The following MYL3 variants were observed in gnomAD, a reference collection of about 807,000 sequenced individuals.
The protein encoded by MYL3 is CMLC1.
In MYL3, 11 loss-of-function variants were observed where a neutral mutation model predicts 21.3. The observed-to-expected ratio is 0.52, with a 90% CI of 0.32 to 0.85. MYL3 has a LOEUF of 0.85. MYL3 is among the 40% of genes least tolerant of loss of function. The pLI, the probability that MYL3 is intolerant of heterozygous loss-of-function variation, is 0.03. For synonymous variants in MYL3, 88 were observed against 91.6 expected (o/e 0.96, Z 0.22); for missense variants, 206 against 253.3 (o/e 0.81, Z 1.27).
intron 1 of MYL3, among the ~76,000 whole-genome samples, chr3:46,862,180 T>C (rs2106912665): frequency 1.3e-5 from 2 of 152,296 alleles, no homozygotes; most frequent in African/African-American, 4.8e-5. Flanking sequence ...AATGCCACTA[T>C]GGGCCGTGGC....
intron 1 of MYL3, among the ~76,000 whole-genome samples, chr3:46,876,866 C>T (rs1342463436): frequency 6.6e-6 from 1 of 152,172 alleles, no homozygotes; most frequent in African/African-American, 2.4e-5. Flanking sequence ...AGCCTCCAGC[C>T]GGGTCACAGG....
At chr3:46,868,185 A>G (rs1219688124), upstream of MYL3, among the ~76,000 whole-genome samples, 1 of 152,152 alleles carries the variant, frequency 6.6e-6, no homozygotes, top group Non-Finnish European at 1.5e-5. Context: ...TGAGAGATGG[A>G]AAAGAGTACC....
At chr3:46,863,177 A>G (rs1392353789) in intron 1 of MYL3, 85 bp downstream of exon 1, 1 of 1,595,604 alleles carries the variant, frequency 6.3e-7, no homozygotes, top group Non-Finnish European at 8.6e-7. Context: ...TCACCTCCAG[A>G]GCCTGACCTG....
At chr3:46,867,541 A>C (rs1392543726), upstream of MYL3, among the ~76,000 whole-genome samples, 1 of 152,220 alleles carries the variant, frequency 6.6e-6, no homozygotes, top group Admixed American at 6.5e-5. Context: ...GGGCAGAAGG[A>C]GGTAAGGGCC....
Position 46,861,635 on chromosome 3 carries a change from G to C in MYL3, c.130-648C>G, listed in dbSNP as rs996532409. Among the ~76,000 whole-genome samples, 1 of 152,158 alleles carries C rather than the reference G, an allele frequency of 6.6e-6. No individual in the cohort carries two copies. The highest frequency in any genetic ancestry group is 1.5e-5 in the Non-Finnish European group (1 of 68,030). The stretch of plus-strand genomic sequence containing the variant: ...TCCCTGGGAAGCTCCCACACCCCAG[G>C]ACAGCACAGGGCCAGGGCAGTGCTG... On this transcript the variant is annotated intron_variant, in intron 1 of 6. Transcript: ENST00000292327. This position sits in a 1 kb window ranked among gnomAD's most constrained non-coding sequence, Gnocchi z 4.2.
rs895840157 is a variant in MYL3, at chr3:46,861,147, G to A, written c.130-160C>T. On this transcript the variant is annotated intron_variant, in intron 1 of 6. Transcript: ENST00000292327. This position sits in a 1 kb window ranked among gnomAD's most constrained non-coding sequence, Gnocchi z 4.2. ...AGGACCTCCTGCAGTCCATCTTGAC[G>A]CCCTCCTGCCTCCTTGCCCCCCTCC... 1.2e-4 allele frequency among the ~76,000 whole-genome samples: 18 copies of A among 152,058 alleles called. No individual in the cohort carries two copies. The highest frequency in any genetic ancestry group is 5.2e-4 in the Admixed American group (8 of 15,264).
At chr3:46,881,482 G>C (rs1010851737) in intron 1 of MYL3, among the ~76,000 whole-genome samples, 1 of 152,152 alleles carries the variant, frequency 6.6e-6, no homozygotes, top group African/African-American at 2.4e-5. Flanking sequence ...GAGAGTGGGT[G>C]TCTGGATTGA....
At chr3:46,872,520 A>T (rs969545601) in intron 1 of MYL3, among the ~76,000 whole-genome samples, 8 of 122,942 alleles carry the variant, frequency 6.5e-5, no homozygotes, top group Non-Finnish European at 1.1e-4. Context: ...TACACCTCCC[A>T]GGGGCAGGAA....
intron 1 of MYL3, among the ~76,000 whole-genome samples, chr3:46,877,307 GC>G (rs1288070824): frequency 6.6e-6 from 1 of 152,128 alleles, no homozygotes; most frequent in Non-Finnish European, 1.5e-5. Flanking sequence ...ACCACCTCCA[GC>G]CCCCCTCTGA....
intron 1 of MYL3, among the ~76,000 whole-genome samples, chr3:46,881,369 T>G (rs889424063): frequency 6.6e-6 from 1 of 152,006 alleles, no homozygotes. Flanking sequence ...CCCCGCGGAC[T>G]CCTCCTTGCC....
chr3:46,872,780 G>T (rs962627602), intron 1 of MYL3, among the ~76,000 whole-genome samples: 2 of 152,256 alleles, frequency 1.3e-5, no homozygotes, highest in African/African-American at 4.8e-5. Context: ...GCTGCTCCCT[G>T]GCTTTCTGAG....
At chr3:46,875,735 C>T (rs1330009520) in intron 1 of MYL3, among the ~76,000 whole-genome samples, 2 of 152,246 alleles carry the variant, frequency 1.3e-5, no homozygotes, top group African/African-American at 4.8e-5. Flanking sequence ...ACTCATGCCC[C>T]ACCTGCTGCC....
In MYL3 at chr3:46,857,974, C is replaced by T. The variant is rs1304875661; in HGVS notation, c.*141G>A. On this transcript the variant is annotated 3_prime_UTR_variant, in exon 7 of 7. Coordinates refer to ENST00000292327, the MANE Select transcript of MYL3 (RefSeq NM_000258.3). The surrounding 1 kb of genome is among the most constrained non-coding windows in gnomAD (Gnocchi z 5.0). ...TGAGAGGGGCCAGAGACGGCAACCA[C>T]GTGGAGAGGTCCAAGGGTTTTTGCA... is the stretch of plus-strand genomic sequence containing the variant. 16 of 561,728 alleles carry T rather than the reference C, an allele frequency of 2.8e-5. No homozygotes were observed. The highest frequency in any genetic ancestry group is 1.4e-4 in the South Asian group (7 of 50,136). The allele number at this position is 561,728 out of a possible 1,614,324, so 34.8% of individuals were successfully genotyped here. A position where few individuals can be genotyped will look rare whatever the true frequency, so the allele number is the denominator to read the frequency against.
intron 1 of MYL3, among the ~76,000 whole-genome samples, chr3:46,877,559 C>T (rs1355367053): frequency 6.6e-6 from 1 of 152,218 alleles, no homozygotes; most frequent in African/African-American, 2.4e-5. Context: ...AGGGCCCAGC[C>T]CTGGGCATCT....
intron 1 of MYL3, among the ~76,000 whole-genome samples, chr3:46,872,442 A>ACCCCCCCCCCCCGC (rs200592186): frequency 1.8e-4 from 25 of 137,380 alleles, no homozygotes; most frequent in East Asian, 4.2e-4. Flanking sequence ...GGGCCCCAAG[A>ACCCCCCCCCCCCGC]CCCCCCCCCT....
chr3:46,867,672 G>A (rs182941002), upstream of MYL3, among the ~76,000 whole-genome samples: 7 of 152,338 alleles, frequency 4.6e-5, no homozygotes, highest in East Asian at 1.9e-4. Context: ...TGCCGGTCCC[G>A]CCCCTCCTGG....
intron 5 of MYL3, 24 bp from the exon 6 acceptor site, chr3:46,858,296 G>A (rs775829705): frequency 6.2e-7 from 1 of 1,614,144 alleles, no homozygotes; most frequent in Non-Finnish European, 8.5e-7. Context: ...GAGAGTGAGT[G>A]GCAGGAGTGC....
In MYL3 at chr3:46,860,160, G is replaced by T. The variant is rs1439929241; in HGVS notation, c.308-512C>A. Among the ~76,000 whole-genome samples the T allele has an allele frequency of 6.7e-6, 1 of 150,350 alleles. No homozygotes were observed. Among genetic ancestry groups the T allele is most frequent in the African/African-American group, 2.5e-5 (1 of 40,676 alleles). The stretch of plus-strand genomic sequence containing the variant: ...TTATTTTTAGACACGAGGTCTTCTT[G>T]TTACGTCACACAGACTGGAGTACAG... On this transcript the variant is annotated intron_variant, in intron 3 of 6. Coordinates refer to ENST00000292327, the MANE Select transcript of MYL3 (RefSeq NM_000258.3). The surrounding 1 kb of genome is among the most constrained non-coding windows in gnomAD (Gnocchi z 4.6).
Position 46,874,437 on chromosome 3 carries a change from G to A in MYL3, c.-218+7637C>T, listed in dbSNP as rs1182988155. On this transcript the variant is annotated intron_variant, in intron 1 of 3. Transcript: ENST00000431168. This position sits in a 1 kb window ranked among gnomAD's most constrained non-coding sequence, Gnocchi z 4.1. The stretch of plus-strand genomic sequence containing the variant: ...TAACAGGGCAGGAGTGTCAGGACTA[G>A]GGGTTCTCCACTCGAGGGCTCCCGG... Among the ~76,000 whole-genome samples the A allele has an allele frequency of 1.3e-5, 2 of 152,166 alleles. No homozygotes were observed. The highest frequency in any genetic ancestry group is 3.9e-4 in the East Asian group (2 of 5,188).
Sources: allele counts gnomAD v4.1 joint callset (sites outside exome capture counted in the v4.1 genomes callset), GRCh38; gene constraint gnomAD v4.1.1; non-coding constraint Gnocchi (gnomAD v3.1); transcripts MANE v1.5; gene names NCBI Gene and HGNC (gene_info 2026-07-23, HGNC 2026-07-21).